Variants in AP3D1 observed in about 807,000 individuals in gnomAD.
The protein encoded by AP3D1 is AP-3 complex subunit delta-1.
Under a neutral mutation model 147.6 loss-of-function variants are expected in AP3D1, and 51 were observed. The ratio of observed to expected loss-of-function variants is 0.35; its 90% CI spans 0.28 to 0.44. The LOEUF is 0.44. Among genes scored for constraint, AP3D1 ranks in the 20% least tolerant of loss-of-function variants. The pLI, the probability that AP3D1 is intolerant of heterozygous loss-of-function variation, is 1.00. For synonymous variants in AP3D1, 760 were observed against 663.0 expected (o/e 1.15, Z -2.25); for missense variants, 1,421 against 1,624.2 (o/e 0.87, Z 2.15).
At chr19:2,121,709 C>T (rs145457568) in intron 12 of AP3D1, 25 bp downstream of exon 12, 148 of 1,548,640 alleles carry the variant, frequency 9.6e-5, no homozygotes, top group Middle Eastern at 3.5e-4. Flanking sequence ...GCCAGGCGGG[C>T]GGGCGGCGGA....
At chr19:2,150,510 TCAGCTTCCCCATTC>T (rs913899464) in intron 1 of AP3D1, among the ~76,000 whole-genome samples, 25 of 152,216 alleles carry the variant, frequency 1.6e-4, no homozygotes, top group Non-Finnish European at 3.2e-4. Context: ...CTACTTGAAG[TCAGCTTCCCCATTC>T]CAGCTTCCCG....
chr19:2,119,347 A>G (rs1361356434), intron 14 of AP3D1, among the ~76,000 whole-genome samples: 1 of 152,230 alleles, frequency 6.6e-6, no homozygotes, highest in East Asian at 1.9e-4. Context: ...TCACGAGGTC[A>G]GGAGTTTGAG....
chr19:2,115,184 G>A, intron 20 of AP3D1, 35 bp downstream of exon 20: 1 of 1,589,782 alleles, frequency 6.3e-7, no homozygotes, highest in Non-Finnish European at 8.6e-7. Flanking sequence ...CGGAAAGATA[G>A]ACATCCTAGG....
intron 9 of AP3D1, among the ~76,000 whole-genome samples, chr19:2,124,189 G>C (rs2018689132): frequency 6.6e-6 from 1 of 152,208 alleles, no homozygotes; most frequent in African/African-American, 2.4e-5. Flanking sequence ...TCCCGGCAGG[G>C]GCCAGGCCCC....
chr19:2,129,107 G>A lies in AP3D1; in HGVS notation c.789C>T (p.Leu263=). Residue 263 remains leucine, a synonymous_variant, in exon 8 of 32, where the codon CTC becomes CTT. Coordinates refer to ENST00000643116, the MANE Select transcript of AP3D1 (RefSeq NM_001261826.3). ...GCACTCACCTGTGGATGAGATTGGTGAGGGGCTCGATCAGCTTCTTGCCCA... is the reference window on the plus strand; with the variant it reads ...GCACTCACCTGTGGATGAGATTGGTAAGGGGCTCGATCAGCTTCTTGCCCA... The part of the protein sequence containing the change: ...PRLGKKLIEP[L]TNLIHSTSAM... 1 of 1,590,080 alleles carries A rather than the reference G, an allele frequency of 6.3e-7. No homozygotes were observed. The highest frequency in any genetic ancestry group is 1.1e-5 in the South Asian group (1 of 87,602).
chr19:2,112,095 A>AC, intron 24 of AP3D1: 1 of 525,932 alleles, frequency 1.9e-6, no homozygotes, highest in South Asian at 2.2e-5. Context: ...TGCAGGGCAA[A>AC]CCAGTGAGGA....
chr19:2,140,646 C>G (rs1210330731), intron 1 of AP3D1, among the ~76,000 whole-genome samples: 1 of 151,878 alleles, frequency 6.6e-6, no homozygotes, highest in African/African-American at 2.4e-5. Context: ...AGCCACTAGT[C>G]AGCTTTCTAG....
rs939949040 is a variant in AP3D1 at position 2,121,086 on chromosome 19, G to T, written c.1257C>A (p.Ile419=). Residue 419 remains isoleucine (I), a synonymous_variant, in exon 14 of 32, where the codon ATC becomes ATA. Coordinates refer to ENST00000643116, the MANE Select transcript of AP3D1 (RefSeq NM_001261826.3). ...GCCGGGTCAGCTCCACCAGGATGCT[G>T]ATGTACCTGTGGGGCAGAGGCGGTG... is the stretch of plus-strand genomic sequence containing the variant. The part of the protein sequence containing the change: ...YQYITNFEWY[I]SILVELTRLE... 4.3e-6 allele frequency: 7 copies of T among 1,613,706 alleles called. No individual in the cohort carries two copies. The highest frequency in any genetic ancestry group is 5.9e-6 in the Non-Finnish European group (7 of 1,179,972).
intron 9 of AP3D1, among the ~76,000 whole-genome samples, chr19:2,126,654 A>G (rs1320060739): frequency 7.3e-6 from 1 of 137,660 alleles, no homozygotes; most frequent in Admixed American, 6.9e-5. Flanking sequence ...CTCTGCCTCA[A>G]AAAAAAAAAA....
chr19:2,162,687 A>G (rs930757612), intron 1 of AP3D1, among the ~76,000 whole-genome samples: 1 of 151,840 alleles, frequency 6.6e-6, no homozygotes, highest in African/African-American at 2.4e-5. Context: ...CCACTCAAAA[A>G]AAAAACCCCA....
At position 2,117,235 on chromosome 19, in the gene AP3D1, G is replaced by T; in HGVS notation, c.1846C>A (p.Pro616Thr). ...PVAPKAQKKVPVPEGLDLDAW... is the reference protein window; with the variant it reads ...PVAPKAQKKVTVPEGLDLDAW... ...CCGTATCCTTACCCTTCGGGGACTGGAACCTTCTTCTGGGCCTTGGGGGCC... is the reference window on the plus strand; with the variant it reads ...CCGTATCCTTACCCTTCGGGGACTGTAACCTTCTTCTGGGCCTTGGGGGCC... Residue 616 changes from proline (P) to threonine (T), a missense_variant, in exon 16 of 32, where the codon CCA (proline) becomes ACA (threonine). By Grantham distance (38) the Pro-to-Thr change is conservative (BLOSUM62 -1). Transcript: ENST00000643116. 1 of 1,609,966 alleles carries T rather than the reference G, an allele frequency of 6.2e-7. No homozygotes were observed.
chr19:2,151,869 T>C (rs886486611), upstream of AP3D1, among the ~76,000 whole-genome samples: 10 of 152,206 alleles, frequency 6.6e-5, no homozygotes, highest in African/African-American at 2.2e-4. Flanking sequence ...GGTGTGAGCG[T>C]GGCTGGATGT....
intron 24 of AP3D1, chr19:2,112,147 C>T (rs2018300479): frequency 9.8e-6 from 4 of 409,832 alleles, no homozygotes; most frequent in South Asian, 2.9e-5. Flanking sequence ...TGTGCACATC[C>T]GAGAGGGAAC....
chr19:2,137,865 G>T, intron 2 of AP3D1, 58 bp from the exon 3 acceptor site: 1 of 1,562,686 alleles, frequency 6.4e-7, no homozygotes, highest in South Asian at 1.1e-5. Context: ...GAAAGGTTTT[G>T]AGCCGCGGCA....
chr19:2,141,919 T>C (rs980683171), intron 1 of AP3D1, among the ~76,000 whole-genome samples: 1 of 150,372 alleles, frequency 6.7e-6, no homozygotes, highest in Non-Finnish European at 1.5e-5. Context: ...TGGGCGAATT[T>C]TTAAAATTAT....
At chr19:2,150,870 C>G (rs986481895) in intron 1 of AP3D1, among the ~76,000 whole-genome samples, 4 of 152,142 alleles carry the variant, frequency 2.6e-5, no homozygotes, top group Non-Finnish European at 5.9e-5. Flanking sequence ...GAGGGTGGCC[C>G]GAGACGGGGG....
At chr19:2,130,566 G>A (rs746202557) in intron 5 of AP3D1, 29 bp from the exon 6 acceptor site, 44 of 1,611,734 alleles carry the variant, frequency 2.7e-5, no homozygotes, top group South Asian at 1.4e-4. Context: ...CAGCCTGCGC[G>A]GGCTTTCTGC....
intron 8 of AP3D1, among the ~76,000 whole-genome samples, chr19:2,128,389 T>C (rs2018820766): frequency 6.6e-6 from 1 of 152,054 alleles, no homozygotes; most frequent in Non-Finnish European, 1.5e-5. Flanking sequence ...TTTCAGCTGC[T>C]TCACGCCCAG....
chr19:2,149,812 T>A (rs767268176), intron 1 of AP3D1, among the ~76,000 whole-genome samples: 7 of 152,142 alleles, frequency 4.6e-5, no homozygotes, highest in Non-Finnish European at 8.8e-5. Context: ...CGCTGGGAGA[T>A]CCTGCCTGTG....
Sources: gnomAD v4.1 joint callset for allele counts (sites outside exome capture counted in the v4.1 genomes callset) on GRCh38, gnomAD v4.1.1 for gene constraint, MANE v1.5 for transcripts, NCBI Gene and HGNC (gene_info 2026-07-23, HGNC 2026-07-21) for gene names.